The following TM9SF2 variants were observed in gnomAD, a reference collection of about 807,000 sequenced individuals.
TM9SF2 encodes transmembrane 9 superfamily member 2, also known as 76 kDa membrane protein.
TM9SF2 carries 13 observed loss-of-function variants against 84.9 expected under a neutral mutation model. The observed-to-expected ratio is 0.15, with a 90% CI of 0.10 to 0.24. TM9SF2 has a LOEUF of 0.24. Among genes scored for constraint, TM9SF2 ranks in the 10% least tolerant of loss-of-function variants. The pLI is 1.00. For synonymous variants in TM9SF2, 273 were observed against 285.8 expected (o/e 0.96, Z 0.45); for missense variants, 562 against 818.5 (o/e 0.69, Z 3.82).
chr13:99,563,007 A>G lies in TM9SF2; in HGVS notation c.*249A>G. 1 of 360,556 alleles carries G rather than the reference A, an allele frequency of 2.8e-6. No individual in the cohort carries two copies. The highest frequency in any genetic ancestry group is 5.0e-6 in the Non-Finnish European group (1 of 200,592). 22.3% of individuals were successfully genotyped at this position (360,556 alleles called of 1,614,324 possible). A position where few individuals can be genotyped will look rare whatever the true frequency, so the allele number is the denominator to read the frequency against. ...TGTTCTCAATGAAGAGCAAATTTAA[A>G]TATTATGTGCATTTGTAAATACAGT... On this transcript the variant is annotated 3_prime_UTR_variant, in exon 17 of 17. Transcript: ENST00000376387.
In TM9SF2 at chr13:99,554,748, G is replaced by A. The variant is rs143518294; in HGVS notation, c.1640+293G>A. Among the ~76,000 whole-genome samples, 242 of 152,312 alleles carry A rather than the reference G, an allele frequency of 1.6e-3. 1 individual carries two copies. The highest frequency in any genetic ancestry group is 5.7e-3 in the African/African-American group (235 of 41,574). On this transcript the variant is annotated intron_variant, in intron 14 of 16. Coordinates refer to ENST00000376387, the MANE Select transcript of TM9SF2 (RefSeq NM_004800.3). ...ATCCCCATTTTACAGAGCTGTAAAT[G>A]AGGCTTTGTAAGTTGAGTAATTTGC...
At chr13:99,543,321 C>G (rs1367350083) in intron 9 of TM9SF2, among the ~76,000 whole-genome samples, 2 of 152,148 alleles carry the variant, frequency 1.3e-5, no homozygotes, top group Non-Finnish European at 2.9e-5. Flanking sequence ...TATTGTCTGC[C>G]TTCCCAATGA....
At chr13:99,546,521 A>G (rs1316700610) in intron 10 of TM9SF2, among the ~76,000 whole-genome samples, 1 of 150,834 alleles carries the variant, frequency 6.6e-6, no homozygotes, top group African/African-American at 2.4e-5. Context: ...TTGTTCTTTC[A>G]TTAGATTATA....
intron 10 of TM9SF2, among the ~76,000 whole-genome samples, chr13:99,544,888 A>G (rs1172545867): frequency 6.6e-6 from 1 of 152,088 alleles, no homozygotes; most frequent in Non-Finnish European, 1.5e-5. Context: ...TTTTTTTTAA[A>G]TAAATGTTCC....
intron 3 of TM9SF2, among the ~76,000 whole-genome samples, chr13:99,524,440 A>G (rs374279941): frequency 6.6e-6 from 1 of 152,032 alleles, no homozygotes; most frequent in East Asian, 1.9e-4. Context: ...AGGTTGGGGG[A>G]TGGGGAAGAG....
At chr13:99,511,711 T>A (rs1212033012) in intron 1 of TM9SF2, among the ~76,000 whole-genome samples, 1 of 152,216 alleles carries the variant, frequency 6.6e-6, no homozygotes, top group Non-Finnish European at 1.5e-5. Context: ...CTGTGTTTGA[T>A]TACTTTGCTG....
At position 99,509,388 on chromosome 13, in the gene TM9SF2, C is replaced by G. The variant is rs557916926; in HGVS notation, c.171+7611C>G. 3.0e-4 allele frequency among the ~76,000 whole-genome samples: 46 copies of G among 152,320 alleles called. 1 individual carries two copies. The South Asian group carries it at 7.3e-3, about 24-fold the overall frequency. On this transcript the variant is annotated intron_variant, in intron 1 of 16. Coordinates refer to ENST00000376387, the MANE Select transcript of TM9SF2 (RefSeq NM_004800.3). ...CCTCCACACTGCCCTACTAAAGGTGCTTTGTGGGGGCTCCATCCCTGCAGC... is the reference window on the plus strand; with the variant it reads ...CCTCCACACTGCCCTACTAAAGGTGGTTTGTGGGGGCTCCATCCCTGCAGC...
intron 4 of TM9SF2, among the ~76,000 whole-genome samples, chr13:99,531,705 G>T (rs1284459479): frequency 2.0e-5 from 3 of 152,134 alleles, no homozygotes; most frequent in Non-Finnish European, 4.4e-5. Context: ...GCTTGTGTCA[G>T]CTTCTTTGTC....
chr13:99,519,640 A>G (rs886555382), intron 2 of TM9SF2: 1 of 166,704 alleles, frequency 6.0e-6, no homozygotes, highest in African/African-American at 2.4e-5. Flanking sequence ...TAGACTTGAC[A>G]TACATTACTG....
chr13:99,526,757 A>G (rs2046185460), intron 3 of TM9SF2, among the ~76,000 whole-genome samples: 1 of 152,130 alleles, frequency 6.6e-6, no homozygotes, highest in Non-Finnish European at 1.5e-5. Flanking sequence ...TATAGATGTA[A>G]TCACCAAGAA....
chr13:99,503,709 CAAAAAAAAAA>C (rs386380419), intron 1 of TM9SF2, among the ~76,000 whole-genome samples: 4 of 78,502 alleles, frequency 5.1e-5, no homozygotes, highest in African/African-American at 1.5e-4. Flanking sequence ...GACTTTGTCT[CAAAAAAAAAA>C]AAAAAAAAAA....
chr13:99,512,731 G>A (rs904114302), intron 1 of TM9SF2, among the ~76,000 whole-genome samples: 1 of 152,180 alleles, frequency 6.6e-6, no homozygotes, highest in African/African-American at 2.4e-5. Flanking sequence ...GATTTCTAAA[G>A]TTTTGACAAC....
At chr13:99,518,537 T>A (rs2139078026) in intron 2 of TM9SF2, among the ~76,000 whole-genome samples, 1 of 152,344 alleles carries the variant, frequency 6.6e-6, no homozygotes, top group Middle Eastern at 3.4e-3. Context: ...AGAAATTGTA[T>A]AGATTCCATG....
Position 99,554,334 on chromosome 13 carries a change from A to G in TM9SF2, c.1519A>G (p.Ile507Val), listed in dbSNP as rs774792406. 6.2e-7 allele frequency: 1 copy of G among 1,613,966 alleles called. No individual in the cohort carries two copies. Among genetic ancestry groups the G allele is most frequent in the Non-Finnish European group, 8.5e-7 (1 of 1,179,944 alleles). ...TGAACACCCAGTTCGAACCAATCAG[A>G]TTCCACGTCAGATTCCTGAACAGTC... ...AIEHPVRTNQ[I>V]PRQIPEQSFY... Residue 507 changes from isoleucine to valine, a missense_variant, in exon 14 of 17, where the codon ATT becomes GTT. By Grantham distance (29) the Ile-to-Val change is conservative. Transcript: ENST00000376387.
rs762285539 is a variant in TM9SF2, at chr13:99,554,340, C to T, written c.1525C>T (p.Arg509Cys). ...CCCAGTTCGAACCAATCAGATTCCA[C>T]GTCAGATTCCTGAACAGTCGTTCTA... ...EHPVRTNQIP[R>C]QIPEQSFYTK... Residue 509 changes from arginine (R) to cysteine (C), a missense_variant, in exon 14 of 17, where the codon CGT becomes TGT. Arg to Cys is a radical substitution (Grantham distance 180). Coordinates refer to ENST00000376387, the MANE Select transcript of TM9SF2 (RefSeq NM_004800.3). The T allele has an allele frequency of 6.2e-7, 1 of 1,613,958 alleles. No individual in the cohort carries two copies. The highest frequency in any genetic ancestry group is 1.7e-5 in the Admixed American group (1 of 60,012).
At chr13:99,557,879 C>T (rs995560523) in intron 15 of TM9SF2, among the ~76,000 whole-genome samples, 1 of 145,632 alleles carries the variant, frequency 6.9e-6, no homozygotes, top group Non-Finnish European at 1.5e-5. Flanking sequence ...CCACCCCCGA[C>T]CAAAAAAAAG....
chr13:99,535,100 C>G (rs1369392817), intron 4 of TM9SF2, among the ~76,000 whole-genome samples: 1 of 152,192 alleles, frequency 6.6e-6, no homozygotes, highest in East Asian at 1.9e-4. Flanking sequence ...TGCAGAAAGC[C>G]ATGATCATGC....
intron 1 of TM9SF2, among the ~76,000 whole-genome samples, chr13:99,504,736 G>C (rs1172554617): frequency 6.6e-6 from 1 of 152,166 alleles, no homozygotes; most frequent in Non-Finnish European, 1.5e-5. Context: ...AGCCTTCATA[G>C]ATACTGTGAG....
At chr13:99,556,759 T>C (rs1036363706) in intron 15 of TM9SF2, among the ~76,000 whole-genome samples, 1 of 152,072 alleles carries the variant, frequency 6.6e-6, no homozygotes, top group Non-Finnish European at 1.5e-5. Flanking sequence ...AATTGCTTCT[T>C]GTATTTTTGG....
Sources: gnomAD v4.1 joint callset for allele counts (sites outside exome capture counted in the v4.1 genomes callset) on GRCh38, gnomAD v4.1.1 for gene constraint, MANE v1.5 for transcripts, NCBI Gene and HGNC (gene_info 2026-07-23, HGNC 2026-07-21) for gene names.